ERICH3: variants seen among roughly 807,000 people sequenced by gnomAD.
The protein encoded by ERICH3 is glutamate-rich protein 3.
Under a neutral mutation model 131.1 loss-of-function variants are expected in ERICH3, and 126 were observed. The ratio of observed to expected loss-of-function variants is 0.96; its 90% CI spans 0.83 to 1.11. The LOEUF is 1.11. ERICH3 is among the 50% of genes most tolerant of loss of function. ERICH3 has a pLI of 0.00. For synonymous variants in ERICH3, 695 were observed against 644.6 expected, an observed-to-expected ratio of 1.08 and a Z score of -1.18; for missense variants, 2,050 against 1,810.7, an observed-to-expected ratio of 1.13 and a Z score of -2.40.
intron 9 of ERICH3, among the ~76,000 whole-genome samples, chr1:74,611,138 T>G (rs1316466141): frequency 6.6e-6 from 1 of 152,102 alleles, no homozygotes; most frequent in Non-Finnish European, 1.5e-5. Flanking sequence ...TCACCCCAGA[T>G]TCATATATCC....
chr1:74,669,726 T>C (rs921881852), intron 1 of ERICH3, among the ~76,000 whole-genome samples: 2 of 152,250 alleles, frequency 1.3e-5, no homozygotes, highest in Non-Finnish European at 2.9e-5. Flanking sequence ...TATTTACTCC[T>C]AACTCTATCT....
chr1:74,646,889 GACACACAC>G lies in ERICH3; in HGVS notation c.118-105_118-98del, dbSNP rs141577300. ...GGCTGGAGGGTGGAGAAGACAGACA[GACACACAC>G]ACACACACACACACACACAGAGAGA... On this transcript the variant is annotated intron_variant, in intron 2 of 14. Coordinates refer to ENST00000326665, the MANE Select transcript of ERICH3 (RefSeq NM_001002912.5). 179 of 247,768 alleles carry G rather than the reference GACACACAC, an allele frequency of 7.2e-4. 1 individual carries two copies. The highest frequency in any genetic ancestry group is 6.2e-3 in the Admixed American group (111 of 17,770). 15.3% of individuals were successfully genotyped at this position (247,768 alleles called of 1,614,324 possible). A position where few individuals can be genotyped will look rare whatever the true frequency, so the allele number is the denominator to read the frequency against.
chr1:74,581,023 G>A (rs1167134050), intron 12 of ERICH3, among the ~76,000 whole-genome samples: 2 of 152,100 alleles, frequency 1.3e-5, no homozygotes, highest in East Asian at 1.9e-4. Context: ...ATTTCTTCCA[G>A]AGTTTGTTTT....
At chr1:74,646,943 T>C (rs1361957018) in intron 2 of ERICH3, 151 bp from the exon 3 acceptor site, 2 of 285,356 alleles carry the variant, frequency 7.0e-6, no homozygotes, top group Non-Finnish European at 1.2e-5. Flanking sequence ...GAGAGAGGCA[T>C]TGGGGAGGCA....
At chr1:74,635,827 A>G (rs777209547) in intron 6 of ERICH3, among the ~76,000 whole-genome samples, 10 of 152,304 alleles carry the variant, frequency 6.6e-5, no homozygotes, top group Non-Finnish European at 1.0e-4. Flanking sequence ...TCTATATTCA[A>G]CCTTTTAAAA....
intron 9 of ERICH3, among the ~76,000 whole-genome samples, chr1:74,611,536 C>T (rs896324560): frequency 6.6e-6 from 1 of 152,074 alleles, no homozygotes; most frequent in Non-Finnish European, 1.5e-5. Flanking sequence ...GCTTCCCATC[C>T]TTCTCAGATA....
chr1:74,639,981 C>T (rs1225183846), intron 5 of ERICH3, among the ~76,000 whole-genome samples: 4 of 152,126 alleles, frequency 2.6e-5, no homozygotes, highest in African/African-American at 7.2e-5. Context: ...GTATCCCTTA[C>T]GGTGCAAAAG....
intron 1 of ERICH3, among the ~76,000 whole-genome samples, chr1:74,663,259 A>T (rs1646659341): frequency 6.6e-6 from 1 of 152,188 alleles, no homozygotes; most frequent in African/African-American, 2.4e-5. Flanking sequence ...TAACCATAAC[A>T]ACAACTACAA....
intron 11 of ERICH3, among the ~76,000 whole-genome samples, chr1:74,594,975 C>T (rs988499133): frequency 2.0e-5 from 3 of 152,108 alleles, no homozygotes; most frequent in Non-Finnish European, 1.5e-5. Context: ...TTTAAATGAT[C>T]TCAGTGACAT....
At chr1:74,617,164 A>G (rs951960753) in intron 8 of ERICH3, among the ~76,000 whole-genome samples, 5 of 105,818 alleles carry the variant, frequency 4.7e-5, no homozygotes, top group African/African-American at 2.3e-4. Flanking sequence ...AAAAAACAAC[A>G]AAAAACAAAC....
At chr1:74,666,314 A>G (rs1646692186) in intron 1 of ERICH3, among the ~76,000 whole-genome samples, 1 of 151,630 alleles carries the variant, frequency 6.6e-6, no homozygotes, top group South Asian at 2.1e-4. Flanking sequence ...AAGAATCCAG[A>G]TCTATATGAA....
At chr1:74,641,546 C>T in intron 4 of ERICH3, 87 bp from the exon 5 acceptor site, 2 of 1,389,948 alleles carry the variant, frequency 1.4e-6, no homozygotes, top group Non-Finnish European at 2.0e-6. Flanking sequence ...TACTATATGA[C>T]TAAAGAAATT....
rs906539056 is a variant in ERICH3 at position 74,641,399 on chromosome 1, C to T, written c.376G>A (p.Val126Ile). The change falls in exon 5 of 15, where the codon GTT (valine) becomes ATT (isoleucine). Residue 126 changes from valine (V) to isoleucine (I), a missense_variant. Coordinates refer to ENST00000326665, the MANE Select transcript of ERICH3 (RefSeq NM_001002912.5). ...TGGCCACGATTACTCTTTGGGCCAA[C>T]TGGTGGGTGGGGAGACAGGATTGGC... ...NMPILSPHPP[V>I]GPKSNRGHSV... The T allele has an allele frequency of 4.3e-6, 7 of 1,612,224 alleles. No individual in the cohort carries two copies. The highest frequency in any genetic ancestry group is 1.3e-5 in the African/African-American group (1 of 74,708).
At chr1:74,656,385 C>A (rs1231493821) in intron 1 of ERICH3, among the ~76,000 whole-genome samples, 3 of 152,118 alleles carry the variant, frequency 2.0e-5, no homozygotes, top group Admixed American at 2.0e-4. Flanking sequence ...TGAGGCCCTC[C>A]CTTGTGGGAA....
chr1:74,668,302 C>A (rs1422435947), intron 1 of ERICH3, among the ~76,000 whole-genome samples: 1 of 152,252 alleles, frequency 6.6e-6, no homozygotes, highest in Admixed American at 6.5e-5. Context: ...AATTTTCCAG[C>A]AGAAGGACAC....
intron 1 of ERICH3, among the ~76,000 whole-genome samples, chr1:74,661,765 C>A (rs1428210182): frequency 6.6e-6 from 1 of 152,062 alleles, no homozygotes; most frequent in Non-Finnish European, 1.5e-5. Flanking sequence ...ATTTATTAGC[C>A]CCGTATTTTT....
chr1:74,632,067 A>G, intron 6 of ERICH3, 139 bp from the exon 7 acceptor site: 1 of 721,228 alleles, frequency 1.4e-6, no homozygotes, highest in Non-Finnish European at 2.2e-6. Flanking sequence ...AAAACACTCC[A>G]GTCTGCTGAA....
At chr1:74,574,989 T>TAA (rs397862098) in intron 13 of ERICH3, among the ~76,000 whole-genome samples, 5 of 144,576 alleles carry the variant, frequency 3.5e-5, no homozygotes, top group South Asian at 2.2e-4. Context: ...AACTCTAACT[T>TAA]AAAAAAAAAA....
chr1:74,646,634 A>G, intron 3 of ERICH3, 33 bp downstream of exon 3: 1 of 1,133,792 alleles, frequency 8.8e-7, no homozygotes, highest in Admixed American at 3.5e-5. Context: ...AGAAAAAAAT[A>G]AAATAAAATA....
Sources: gnomAD v4.1 joint callset for allele counts (sites outside exome capture counted in the v4.1 genomes callset) on GRCh38, gnomAD v4.1.1 for gene constraint, MANE v1.5 for transcripts, NCBI Gene and HGNC (gene_info 2026-07-23, HGNC 2026-07-21) for gene names.